The following PABPC4L variants were observed in gnomAD, a reference collection of about 807,000 sequenced individuals.
PABPC4L encodes poly(A) binding protein cytoplasmic 4 like.
For synonymous variants in PABPC4L, 169 were observed against 164.1 expected (o/e 1.03, Z -0.23); for missense variants, 452 against 451.4 (o/e 1.00, Z -0.01).
the PABPC4L span, among the ~76,000 whole-genome samples, chr4:134,138,128 C>T: frequency 0.49 from 73,687 of 151,440 alleles, 21,528 homozygotes; most frequent in East Asian, 0.98. Context: ...TTAAAGTCTG[C>T]ATCTTTAAAA....
the PABPC4L span, among the ~76,000 whole-genome samples, chr4:134,032,685 G>C: frequency 6.6e-6 from 1 of 151,680 alleles, no homozygotes; most frequent in African/African-American, 2.4e-5. Context: ...TATAATAAGA[G>C]GTGATTTCTA....
At chr4:133,955,280 A>AT in the PABPC4L span, among the ~76,000 whole-genome samples, 159 of 151,660 alleles carry the variant, frequency 1.0e-3, 2 homozygotes, top group African/African-American at 3.4e-3. Flanking sequence ...AAAAAAAAAG[A>AT]TTTTTTTTTA....
the PABPC4L span, among the ~76,000 whole-genome samples, chr4:133,977,461 G>A: frequency 7.3e-5 from 11 of 151,486 alleles, no homozygotes; most frequent in Admixed American, 2.0e-4. Flanking sequence ...AATGTCAATG[G>A]TAGTTTAATG....
chr4:133,953,721 A>G, the PABPC4L span, among the ~76,000 whole-genome samples: 1 of 152,144 alleles, frequency 6.6e-6, no homozygotes, highest in Admixed American at 6.5e-5. Context: ...TGGGATATAC[A>G]GTTGGGAATT....
the PABPC4L span, among the ~76,000 whole-genome samples, chr4:134,095,544 T>C: frequency 6.6e-6 from 1 of 151,990 alleles, no homozygotes; most frequent in Non-Finnish European, 1.5e-5. Context: ...TTATACTTAC[T>C]AGTAGTGATC....
At chr4:134,150,966 C>T in the PABPC4L span, among the ~76,000 whole-genome samples, 2 of 151,920 alleles carry the variant, frequency 1.3e-5, no homozygotes, top group East Asian at 1.9e-4. Context: ...ATACATGAAC[C>T]GAAGTAAAAC....
At chr4:134,079,693 G>A in the PABPC4L span, among the ~76,000 whole-genome samples, 1 of 151,234 alleles carries the variant, frequency 6.6e-6, no homozygotes, top group African/African-American at 2.4e-5. Context: ...GTGTCTGTGT[G>A]TGTGAGAGAG....
chr4:133,981,010 A>T, the PABPC4L span, among the ~76,000 whole-genome samples: 1 of 152,048 alleles, frequency 6.6e-6, no homozygotes, highest in African/African-American at 2.4e-5. Context: ...AAAATACAAA[A>T]ATCAGCCGGG....
chr4:134,178,175 G>C, the PABPC4L span, among the ~76,000 whole-genome samples: 1 of 151,924 alleles, frequency 6.6e-6, no homozygotes, highest in African/African-American at 2.4e-5. Flanking sequence ...CAAGGATATA[G>C]CTTGTTCGCT....
chr4:134,171,009 T>C, the PABPC4L span, among the ~76,000 whole-genome samples: 1 of 152,218 alleles, frequency 6.6e-6, no homozygotes. Flanking sequence ...ATTTTTTGAC[T>C]TCTTAATAAT....
the PABPC4L span, among the ~76,000 whole-genome samples, chr4:134,016,051 C>G: frequency 6.6e-6 from 1 of 152,114 alleles, no homozygotes; most frequent in Non-Finnish European, 1.5e-5. Context: ...ACGTTCACCC[C>G]ATTTCCCCAC....
the PABPC4L span, among the ~76,000 whole-genome samples, chr4:134,119,535 T>C: frequency 6.6e-6 from 1 of 151,738 alleles, no homozygotes; most frequent in Admixed American, 6.6e-5. Flanking sequence ...TAAAGTAAGT[T>C]ATTAACCACA....
the PABPC4L span, among the ~76,000 whole-genome samples, chr4:134,004,941 G>T: frequency 2.0e-5 from 3 of 151,914 alleles, no homozygotes; most frequent in South Asian, 6.2e-4. Context: ...ATTGGTGGTT[G>T]TACTCAAGGC....
At chr4:133,974,352 C>A in the PABPC4L span, among the ~76,000 whole-genome samples, 1 of 152,144 alleles carries the variant, frequency 6.6e-6, no homozygotes, top group Non-Finnish European at 1.5e-5. Context: ...CAAAAATTAA[C>A]TTAAAATAGA....
chr4:133,991,990 G>T, the PABPC4L span, among the ~76,000 whole-genome samples: 2 of 152,164 alleles, frequency 1.3e-5, no homozygotes, highest in East Asian at 3.9e-4. Context: ...TCATAGTATA[G>T]TTGTTACTGG....
At chr4:133,993,824 C>T in the PABPC4L span, among the ~76,000 whole-genome samples, 1 of 151,958 alleles carries the variant, frequency 6.6e-6, no homozygotes, top group Non-Finnish European at 1.5e-5. Context: ...GCTGTGGGCT[C>T]GAATATGTGT....
the PABPC4L span, among the ~76,000 whole-genome samples, chr4:134,000,493 C>T: frequency 1.3e-5 from 2 of 152,104 alleles, no homozygotes; most frequent in Middle Eastern, 3.2e-3. Flanking sequence ...TAGACTTAAT[C>T]TAACCTAAAA....
the PABPC4L span, among the ~76,000 whole-genome samples, chr4:134,148,582 C>T: frequency 7.2e-5 from 11 of 152,192 alleles, no homozygotes; most frequent in African/African-American, 2.6e-4. Context: ...GCTTCCAAAC[C>T]TTTGGTTACC....
the PABPC4L span, among the ~76,000 whole-genome samples, chr4:134,101,871 G>A: frequency 6.6e-6 from 1 of 151,368 alleles, no homozygotes; most frequent in Non-Finnish European, 1.5e-5. Flanking sequence ...ATTCCCATCT[G>A]ATTTTAAGTT....
Sources: allele counts gnomAD v4.1 joint callset (sites outside exome capture counted in the v4.1 genomes callset), GRCh38; gene constraint gnomAD v4.1.1; transcripts MANE v1.5; gene names NCBI Gene and HGNC (gene_info 2026-07-23, HGNC 2026-07-21).